The following NPC2 variants were observed in gnomAD, a reference collection of about 807,000 sequenced individuals.
NPC2 encodes Niemann-Pick disease type C2 protein.
NPC2 carries 14 observed loss-of-function variants against 17.0 expected under a neutral mutation model. The observed-to-expected ratio is 0.82, with a 90% CI of 0.54 to 1.29. The LOEUF is 1.29. Among genes scored for constraint, NPC2 ranks in the 50% most tolerant of loss-of-function variants. The pLI, the probability that NPC2 is intolerant of heterozygous loss-of-function variation, is 0.00. For missense variants in NPC2, 167 were observed against 183.4 expected, an observed-to-expected ratio of 0.91 and a Z score of 0.52; for synonymous variants, 75 against 69.3, an observed-to-expected ratio of 1.08 and a Z score of -0.41.
At chr14:74,484,348 C>T in intron 3 of NPC2, 67 bp downstream of exon 3, 3 of 1,545,404 alleles carry the variant, frequency 1.9e-6, no homozygotes, top group Middle Eastern at 1.7e-4. Context: ...CTGCTTCTTG[C>T]CCACTGCCCT....
intron 1 of NPC2, among the ~76,000 whole-genome samples, chr14:74,490,032 A>C (rs943937996): frequency 6.6e-6 from 1 of 152,238 alleles, no homozygotes; most frequent in African/African-American, 2.4e-5. Context: ...CTTCTGACAC[A>C]AAAACTGGAC....
At chr14:74,481,233 A>G (rs1218958725) in intron 3 of NPC2, among the ~76,000 whole-genome samples, 1 of 152,232 alleles carries the variant, frequency 6.6e-6, no homozygotes, top group African/African-American at 2.4e-5. Flanking sequence ...CACTGACTTC[A>G]CATGAGATCT....
intron 3 of NPC2, among the ~76,000 whole-genome samples, chr14:74,481,444 AG>A (rs1367911598): frequency 6.6e-6 from 1 of 152,248 alleles, no homozygotes; most frequent in Non-Finnish European, 1.5e-5. Context: ...ACCCAGTCTT[AG>A]GTATTCCTTT....
chr14:74,484,499 A>G lies in NPC2; in HGVS notation c.279T>C (p.Cys93=), dbSNP rs750185667. Residue 93 remains cysteine, a synonymous_variant, in exon 3 of 5, where the codon TGT becomes TGC. Transcript: ENST00000555619. The part of the protein sequence containing the change: ...VPFPIPEPDG[C]KSGINCPIQK... ...GGATAGGGCAGTTAATTCCACTCTT[A>G]CAACCATCAGGCTCAGGAATGGGAA... 1.9e-6 allele frequency: 3 copies of G among 1,614,116 alleles called. No homozygotes were observed. The highest frequency in any genetic ancestry group is 1.7e-6 in the Non-Finnish European group (2 of 1,180,016).
intron 2 of NPC2, among the ~76,000 whole-genome samples, chr14:74,484,888 G>A (rs2139668535): frequency 6.6e-6 from 1 of 151,902 alleles, no homozygotes; most frequent in Non-Finnish European, 1.5e-5. Flanking sequence ...CAAGGCAACT[G>A]ATTTTTGGCA....
Position 74,484,419 on chromosome 14 carries a change from G to C in NPC2, c.359C>G (p.Pro120Arg). 1 of 1,614,002 alleles carries C rather than the reference G, an allele frequency of 6.2e-7. No individual in the cohort carries two copies. Residue 120 changes from proline to arginine, a missense_variant, in exon 3 of 5, where the codon CCC (proline) becomes CGC (arginine). Physicochemically the swap from Pro to Arg is moderately radical, Grantham distance 103 (BLOSUM62 -2). Transcript: ENST00000555619. ...LNKLPVKSEY[P>R]SIKLVVEWQL... ...CTCAATAATGGTATCACTTACAGAG[G>C]GATATTCGCTTTTCACTGGTAGTTT...
chr14:74,487,083 T>TG (rs1238314143), intron 1 of NPC2, among the ~76,000 whole-genome samples: 2 of 151,924 alleles, frequency 1.3e-5, no homozygotes, highest in Non-Finnish European at 2.9e-5. Context: ...CCTGAGTAGC[T>TG]GGGACTACAG....
intron 1 of NPC2, among the ~76,000 whole-genome samples, chr14:74,487,940 A>G (rs28378078): frequency 0.22 from 34,151 of 152,144 alleles, 4,242 homozygotes; most frequent in African/African-American, 0.32. Flanking sequence ...AGATTTGTCC[A>G]AGGTCACATT....
upstream of NPC2, chr14:74,493,408 C>T: frequency 2.0e-6 from 3 of 1,535,176 alleles, no homozygotes; most frequent in Non-Finnish European, 2.6e-6. The surrounding 1 kb of genome is among the most constrained non-coding windows in gnomAD (Gnocchi z 4.1). Context: ...GAGGCCCGCC[C>T]GCGCCCCGCC....
upstream of NPC2, chr14:74,493,350 G>A: frequency 6.4e-7 from 1 of 1,565,292 alleles, no homozygotes; most frequent in Non-Finnish European, 8.7e-7. The surrounding 1 kb of genome is among the most constrained non-coding windows in gnomAD (Gnocchi z 4.1). Flanking sequence ...GTCGGGGCGG[G>A]CCCGGGGAGG....
chr14:74,480,839 T>C, intron 3 of NPC2, 60 bp from the exon 4 acceptor site: 2 of 1,378,196 alleles, frequency 1.5e-6, no homozygotes, highest in Non-Finnish European at 2.1e-6. Context: ...CTATCCATAA[T>C]TGGTTTAACT....
Position 74,493,298 on chromosome 14 carries a change from C to T in NPC2, c.-24G>A, listed in dbSNP as rs746495967. ...ATCGCGGATAACGAAGTTCCAAGCT[C>T]GGGAAAGAAGCAGCGGCCGCCCGCG... On this transcript the variant is annotated 5_prime_UTR_variant, in exon 1 of 5. Transcript: ENST00000555619. The surrounding 1 kb of genome is among the most constrained non-coding windows in gnomAD (Gnocchi z 4.1). 1 of 1,609,360 alleles carries T rather than the reference C, an allele frequency of 6.2e-7. No homozygotes were observed. The highest frequency in any genetic ancestry group is 1.3e-5 in the African/African-American group (1 of 74,864).
intron 3 of NPC2, among the ~76,000 whole-genome samples, chr14:74,484,056 G>A (rs890500642): frequency 2.0e-5 from 3 of 152,058 alleles, no homozygotes; most frequent in Non-Finnish European, 2.9e-5. Context: ...TGATTTCTAC[G>A]ACTTTCAAAG....
chr14:74,483,044 G>A, intron 3 of NPC2: 1 of 1,288,656 alleles, frequency 7.8e-7, no homozygotes, highest in Non-Finnish European at 1.1e-6. Flanking sequence ...TTTGTTCAGG[G>A]AATTTTTGTT....
At chr14:74,480,478 C>T (rs959066832) in intron 4 of NPC2, 190 bp from the exon 5 acceptor site, 8 of 762,032 alleles carry the variant, frequency 1.0e-5, no homozygotes, top group Non-Finnish European at 1.9e-5. Context: ...CAGTCTCACT[C>T]TCTCTTCTTT....
intron 1 of NPC2, among the ~76,000 whole-genome samples, chr14:74,488,008 A>G (rs970845552): frequency 8.5e-5 from 13 of 152,214 alleles, no homozygotes; most frequent in African/African-American, 3.1e-4. Context: ...AGCCCTTGTT[A>G]CCGGAACCTG....
intron 3 of NPC2, among the ~76,000 whole-genome samples, chr14:74,481,216 G>A (rs1263922141): frequency 6.6e-6 from 1 of 152,240 alleles, no homozygotes; most frequent in Middle Eastern, 3.2e-3. Context: ...GGTGATGAGT[G>A]AGTTCTCACT....
At chr14:74,481,146 G>T (rs2086652174) in intron 3 of NPC2, among the ~76,000 whole-genome samples, 1 of 152,232 alleles carries the variant, frequency 6.6e-6, no homozygotes, top group South Asian at 2.1e-4. Flanking sequence ...AGGTGGGCCT[G>T]GTGGGAAGTA....
chr14:74,484,456 T>C lies in NPC2; in HGVS notation c.322A>G (p.Ser108Gly). The C allele has an allele frequency of 5.0e-6, 8 of 1,614,156 alleles. No individual in the cohort carries two copies. Among genetic ancestry groups the C allele is most frequent in the Non-Finnish European group, 6.8e-6 (8 of 1,180,022 alleles). Reference sequence around the variant, plus strand: ...TTCACTGGTAGTTTATTCAGGTAGCTATAGGTCTTGTCTTTTTGGATAGGG... The same window carrying C: ...TTCACTGGTAGTTTATTCAGGTAGCCATAGGTCTTGTCTTTTTGGATAGGG... ...NCPIQKDKTY[S>G]YLNKLPVKSE... The change falls in exon 3 of 5, where the codon AGC becomes GGC. Residue 108 changes from serine (S) to glycine (G), a missense_variant. Physicochemically the swap from Ser to Gly is moderately conservative, Grantham distance 56. Transcript: ENST00000555619.
Sources: allele counts gnomAD v4.1 joint callset (sites outside exome capture counted in the v4.1 genomes callset), GRCh38; gene constraint gnomAD v4.1.1; non-coding constraint Gnocchi (gnomAD v3.1); transcripts MANE v1.5; gene names NCBI Gene and HGNC (gene_info 2026-07-23, HGNC 2026-07-21).